RUBCN: variants seen among roughly 807,000 people sequenced by gnomAD.
RUBCN encodes rubicon autophagy regulator, also known as run domain Beclin-1-interacting and cysteine-rich domain-containing protein.
A neutral mutation model predicts 113.2 loss-of-function variants in RUBCN; 74 were observed. That is an observed-to-expected ratio of 0.65 (90% confidence interval 0.54 to 0.79). The LOEUF is 0.79. Among genes scored for constraint, RUBCN ranks in the 30% least tolerant of loss-of-function variants. RUBCN has a pLI of 0.00. For synonymous variants in RUBCN, 480 were observed against 490.0 expected (o/e 0.98, Z 0.27); for missense variants, 1,109 against 1,251.7 (o/e 0.89, Z 1.72).
chr3:197,694,310 G>A, intron 10 of RUBCN, 65 bp downstream of exon 10: 1 of 1,387,930 alleles, frequency 7.2e-7, no homozygotes, highest in Non-Finnish European at 1.0e-6. Context: ...CACTGGTTTG[G>A]GCACCAGGCC....
chr3:197,720,626 C>CA (rs1173625777), intron 1 of RUBCN, among the ~76,000 whole-genome samples: 1 of 152,066 alleles, frequency 6.6e-6, no homozygotes, highest in Non-Finnish European at 1.5e-5. Flanking sequence ...AGACTGGTCT[C>CA]AAACTCCTGG....
rs557178286 is a variant in RUBCN, at chr3:197,707,193, G to A, written c.220-2018C>T. ...AAAAATACAAAAAAATTAGCTGGGCGTGGTGGTGGGCGCCTGTAGTCCCAG... is the reference window on the plus strand; with the variant it reads ...AAAAATACAAAAAAATTAGCTGGGCATGGTGGTGGGCGCCTGTAGTCCCAG... On this transcript the variant is annotated intron_variant, in intron 2 of 19. Coordinates refer to ENST00000296343, the MANE Select transcript of RUBCN (RefSeq NM_014687.4). Among the ~76,000 whole-genome samples the A allele has an allele frequency of 5.9e-5, 9 of 152,176 alleles. No individual in the cohort carries two copies. In the South Asian group the frequency reaches 1.0e-3, roughly 18 times the overall value.
Position 197,681,031 on chromosome 3 carries a change from G to C in RUBCN, c.2430+98C>G, listed in dbSNP as rs1721163600. 1.5e-6 allele frequency: 1 copy of C among 665,046 alleles called. No individual in the cohort carries two copies. The highest frequency in any genetic ancestry group is 2.0e-5 in the African/African-American group (1 of 49,304). 41.2% of individuals were successfully genotyped at this position (665,046 alleles called of 1,614,324 possible). ...GGGAGGGGATGGGGGGAGGGGACAA[G>C]AGGAGGGGATGGGGGGAGGGGACGG... On this transcript the variant is annotated intron_variant, in intron 16 of 19. Coordinates refer to ENST00000296343, the MANE Select transcript of RUBCN (RefSeq NM_014687.4). This position sits in a 1 kb window ranked among gnomAD's most constrained non-coding sequence, Gnocchi z 5.5.
rs1351301033 is a variant in RUBCN, at chr3:197,671,895, C to T, written c.*3123G>A. The stretch of plus-strand genomic sequence containing the variant: ...TCCTTGATGTGTGTGGTCCAGTTTG[C>T]TTTACATTATAACACAGAAACCTTC... On this transcript the variant is annotated 3_prime_UTR_variant, in exon 20 of 20. Transcript: ENST00000296343. The T allele has an allele frequency of 6.6e-6, 1 of 152,216 alleles. No individual in the cohort carries two copies. Among genetic ancestry groups the T allele is most frequent in the Non-Finnish European group, 1.5e-5 (1 of 68,038 alleles). The allele number at this position is 152,216 out of a possible 1,614,324, so 9.4% of individuals were successfully genotyped here. A position where few individuals can be genotyped will look rare whatever the true frequency, so the allele number is the denominator to read the frequency against.
At chr3:197,740,441 C>A (rs1249240509), upstream of RUBCN, among the ~76,000 whole-genome samples, 2 of 151,534 alleles carry the variant, frequency 1.3e-5, no homozygotes. Flanking sequence ...TGCACTCCAT[C>A]CTGGGCAACA....
chr3:197,695,507 G>A (rs577755767), intron 9 of RUBCN, among the ~76,000 whole-genome samples: 2 of 152,184 alleles, frequency 1.3e-5, no homozygotes, highest in Admixed American at 6.5e-5. Flanking sequence ...AGGCTGAGGC[G>A]GGAGGATTGC....
intron 1 of RUBCN, among the ~76,000 whole-genome samples, chr3:197,744,233 C>A (rs1219791471): frequency 6.6e-6 from 1 of 151,912 alleles, no homozygotes; most frequent in Non-Finnish European, 1.5e-5. Context: ...AGACAAAATT[C>A]TTGGCAAAAT....
In RUBCN at chr3:197,693,704, T is replaced by A; in HGVS notation, c.1786+11A>T. ...ATAAAAGTTCCCTTGTAACAAAGTG[T>A]CACTTCTTACCTTGGATTTCAAATT... On this transcript the variant is annotated intron_variant, in intron 11 of 19. Transcript: ENST00000296343. 6.4e-7 allele frequency: 1 copy of A among 1,570,820 alleles called. No homozygotes were observed. Among genetic ancestry groups the A allele is most frequent in the Non-Finnish European group, 8.8e-7 (1 of 1,140,520 alleles).
chr3:197,733,758 C>A (rs1727788524), intron 1 of RUBCN, among the ~76,000 whole-genome samples: 1 of 152,108 alleles, frequency 6.6e-6, no homozygotes, highest in Non-Finnish European at 1.5e-5. Flanking sequence ...GTGAGGATAA[C>A]CCCACTACTA....
exon 1 of RUBCN, chr3:197,749,476 G>A (rs953419723): frequency 1.0e-5 from 13 of 1,276,876 alleles, no homozygotes; most frequent in Admixed American, 2.3e-5. Flanking sequence ...TGCCAGGGAG[G>A]GGGGAGCTGG....
chr3:197,744,057 A>G (rs1340444857), intron 1 of RUBCN, among the ~76,000 whole-genome samples: 2 of 151,466 alleles, frequency 1.3e-5, no homozygotes, highest in African/African-American at 2.4e-5. Flanking sequence ...TTATCTATAT[A>G]TCATATAATA....
rs1186724165 is a variant in RUBCN at position 197,700,931 on chromosome 3, G to A, written c.943C>T (p.Pro315Ser). 2 of 1,614,172 alleles carry A rather than the reference G, an allele frequency of 1.2e-6. No homozygotes were observed. Among genetic ancestry groups the A allele is most frequent in the East Asian group, 4.5e-5 (2 of 44,874 alleles). Residue 315 changes from proline to serine, a missense_variant, in exon 7 of 20, where the codon CCA (proline) becomes TCA (serine). This residue lies in a region of RUBCN where 736 missense variants were observed against 779.6 expected (regional missense o/e 0.94). Coordinates refer to ENST00000296343, the MANE Select transcript of RUBCN (RefSeq NM_014687.4). ...TCAGGCCCCTCACTGGCATCACCTG[G>A]GGAATCATTCTGGCTGCTGACCCAG... ...ASWVSSQNDS[P>S]GDASEGPEYL... is the part of the protein sequence containing the mutation.
chr3:197,685,025 A>C (rs1337048533), intron 11 of RUBCN, among the ~76,000 whole-genome samples: 1 of 152,196 alleles, frequency 6.6e-6, no homozygotes, highest in Non-Finnish European at 1.5e-5. Flanking sequence ...ATGCCTGGTT[A>C]CCAACACGTT....
At chr3:197,695,773 A>G in intron 9 of RUBCN, 93 bp downstream of exon 9, 2 of 1,131,164 alleles carry the variant, frequency 1.8e-6, no homozygotes, top group Non-Finnish European at 2.7e-6. Context: ...ACTGTAATCT[A>G]TACCCAAAAC....
At chr3:197,682,919 C>T (rs533872991) in intron 13 of RUBCN, among the ~76,000 whole-genome samples, 1 of 152,306 alleles carries the variant, frequency 6.6e-6, no homozygotes, top group Admixed American at 6.5e-5. Context: ...CCTACCAGGG[C>T]AGTGGCCCCA....
At chr3:197,729,372 C>A (rs1275476712) in intron 1 of RUBCN, among the ~76,000 whole-genome samples, 1 of 152,038 alleles carries the variant, frequency 6.6e-6, no homozygotes, top group East Asian at 2.0e-4. Context: ...CCTGCCTCAG[C>A]CTCCCAAGTA....
intron 16 of RUBCN, among the ~76,000 whole-genome samples, chr3:197,679,059 GC>G (rs1366862523): frequency 5.3e-5 from 8 of 150,602 alleles, no homozygotes; most frequent in Admixed American, 5.3e-4. Flanking sequence ...ACTGTCCTAC[GC>G]TCTGACAACT....
intron 2 of RUBCN, among the ~76,000 whole-genome samples, chr3:197,717,739 A>T (rs542242476): frequency 6.6e-6 from 1 of 152,306 alleles, no homozygotes; most frequent in South Asian, 2.1e-4. Context: ...GAAAGTTTTA[A>T]GTTGACCTAA....
chr3:197,676,113 G>A, intron 18 of RUBCN: 5 of 802,070 alleles, frequency 6.2e-6, no homozygotes, highest in Non-Finnish European at 7.6e-6. Context: ...AATACATAAA[G>A]TATACAAAAC....
Sources: allele counts gnomAD v4.1 joint callset (sites outside exome capture counted in the v4.1 genomes callset), GRCh38; gene constraint gnomAD v4.1.1; regional missense constraint gnomAD v4.1.1; non-coding constraint Gnocchi (gnomAD v3.1); transcripts MANE v1.5; gene names NCBI Gene and HGNC (gene_info 2026-07-23, HGNC 2026-07-21).